The following CD163L1 variants were observed in gnomAD, a reference collection of about 807,000 sequenced individuals.
CD163L1 encodes scavenger receptor cysteine-rich type 1 protein M160.
A neutral mutation model predicts 165.4 loss-of-function variants in CD163L1; 124 were observed. The ratio of observed to expected loss-of-function variants is 0.75; its 90% CI spans 0.65 to 0.87. CD163L1 has a LOEUF of 0.87. Ranked by LOEUF, CD163L1 falls within the 40% of genes least tolerant of loss-of-function variation. The probability of loss-of-function intolerance (pLI) is 0.00; values close to 1 mark genes in which losing one functional copy is unlikely to be tolerated. For missense variants in CD163L1, 1,525 were observed against 1,799.9 expected, an observed-to-expected ratio of 0.85 and a Z score of 2.76; for synonymous variants, 585 against 662.2, an observed-to-expected ratio of 0.88 and a Z score of 1.79.
At chr12:7,421,045 A>ATATACATATATATATACGTGTATATG (rs1565808766) in intron 4 of CD163L1, among the ~76,000 whole-genome samples, 1 of 92,464 alleles carries the variant, frequency 1.1e-5, no homozygotes, top group African/African-American at 5.9e-5. Context: ...ACGTGTATAT[A>ATATACATATATATATACGTGTATATG]TATGTATATA....
chr12:7,377,802 A>G (rs1473963633), intron 9 of CD163L1, among the ~76,000 whole-genome samples: 1 of 152,122 alleles, frequency 6.6e-6, no homozygotes, highest in Non-Finnish European at 1.5e-5. Flanking sequence ...AACTTCTTTT[A>G]TGTCAATAAA....
In CD163L1 at chr12:7,374,681, C is replaced by T. The variant is rs1327377988; in HGVS notation, c.3170G>A (p.Trp1057Ter). 1 of 1,614,236 alleles carries T rather than the reference C, an allele frequency of 6.2e-7. No homozygotes were observed. Among genetic ancestry groups the T allele is most frequent in the East Asian group, 2.2e-5 (1 of 44,886 alleles). ...CCAGCCGTCATCACAGATGGTGCCC[C>T]AGAAGCCGTCGTGATAGATCTCTAC... ...GRVEIYHDGF[W>*]GTICDDGWDL... is the part of the protein sequence containing the mutation. The change falls in exon 13 of 20, where the codon TGG becomes TAG. Residue 1057 changes from tryptophan (W) to a stop codon, truncating the protein, a stop_gained. Coordinates refer to ENST00000313599, the MANE Select transcript of CD163L1 (RefSeq NM_174941.6). LOFTEE classifies it high-confidence loss of function. The surrounding 1 kb of genome is among the most constrained non-coding windows in gnomAD (Gnocchi z 5.4).
chr12:7,441,482 C>T (rs1309092025), intron 1 of CD163L1, among the ~76,000 whole-genome samples: 1 of 152,156 alleles, frequency 6.6e-6, no homozygotes, highest in East Asian at 1.9e-4. Context: ...GCATGTGATT[C>T]ATTGAAAAAT....
At chr12:7,354,371 T>C (rs1419808498), downstream of CD163L1, among the ~76,000 whole-genome samples, 2 of 152,130 alleles carry the variant, frequency 1.3e-5, no homozygotes, top group South Asian at 2.1e-4. Flanking sequence ...GCAAGGGCAA[T>C]TGAGCAAAGC....
At chr12:7,332,273 T>C in the CD163L1 span, among the ~76,000 whole-genome samples, 296 of 152,202 alleles carry the variant, frequency 1.9e-3, 2 homozygotes, top group Admixed American at 3.5e-3. Context: ...CCAAGAAATA[T>C]GGGACTATGT....
chr12:7,394,413 C>A (rs1947730003), intron 8 of CD163L1, among the ~76,000 whole-genome samples: 1 of 152,118 alleles, frequency 6.6e-6, no homozygotes, highest in South Asian at 2.1e-4. Flanking sequence ...AAACTGGATC[C>A]CTTCCTTACA....
At chr12:7,332,531 G>A in the CD163L1 span, among the ~76,000 whole-genome samples, 2 of 152,188 alleles carry the variant, frequency 1.3e-5, no homozygotes, top group African/African-American at 4.8e-5. Context: ...GGCAGCCAGG[G>A]AGAAAGGTCA....
At chr12:7,437,237 C>A (rs1475639995) in intron 2 of CD163L1, among the ~76,000 whole-genome samples, 6 of 1,392 alleles carry the variant, frequency 4.3e-3, no homozygotes, top group African/African-American at 6.2e-3. Flanking sequence ...AAAGTATTTA[C>A]TTTTAAATAG....
In CD163L1 at chr12:7,373,422, T is replaced by C; in HGVS notation, c.3628A>G (p.Ile1210Val). 1 of 1,614,176 alleles carries C rather than the reference T, an allele frequency of 6.2e-7. No homozygotes were observed. Among genetic ancestry groups the C allele is most frequent in the Non-Finnish European group, 8.5e-7 (1 of 1,180,012 alleles). Residue 1210 changes from isoleucine (I) to valine (V), a missense_variant, in exon 14 of 20, where the codon ATT becomes GTT. By Grantham distance (29) the Ile-to-Val change is conservative. Transcript: ENST00000313599. ...TGSGFMWVDD[I>V]QCPKTHISIW... ...GAGATATGCGTTTTAGGACACTGAATGTCATCCACCCACATGAAACCAGAG... is the reference window on the plus strand; with the variant it reads ...GAGATATGCGTTTTAGGACACTGAACGTCATCCACCCACATGAAACCAGAG...
At chr12:7,417,660 T>C (rs755736859) in intron 4 of CD163L1, among the ~76,000 whole-genome samples, 8 of 152,300 alleles carry the variant, frequency 5.3e-5, no homozygotes, top group Middle Eastern at 3.4e-3. Flanking sequence ...TCTGCATCTA[T>C]TGAGATAATC....
chr12:7,414,012 A>T (rs1278260237), intron 4 of CD163L1, among the ~76,000 whole-genome samples: 2 of 152,154 alleles, frequency 1.3e-5, no homozygotes, highest in Admixed American at 6.6e-5. Flanking sequence ...AGAGGAAATG[A>T]CTTATTCAAA....
the CD163L1 span, among the ~76,000 whole-genome samples, chr12:7,331,700 C>T: frequency 1.3e-5 from 2 of 152,312 alleles, no homozygotes; most frequent in Admixed American, 1.3e-4. Flanking sequence ...CAGCAAATTC[C>T]AACAGACCTG....
intron 2 of CD163L1, among the ~76,000 whole-genome samples, chr12:7,440,913 C>T (rs946268866): frequency 1.3e-5 from 2 of 152,180 alleles, no homozygotes; most frequent in African/African-American, 4.8e-5. Context: ...AGGCCTGAGC[C>T]ACTGTGCCCG....
intron 2 of CD163L1, among the ~76,000 whole-genome samples, chr12:7,440,194 A>T (rs917824722): frequency 1.3e-5 from 2 of 152,192 alleles, no homozygotes; most frequent in African/African-American, 4.8e-5. Context: ...CAGGGCGGAC[A>T]CTTAACACTC....
At chr12:7,390,473 C>A (rs1591914710) in intron 8 of CD163L1, among the ~76,000 whole-genome samples, 1 of 151,928 alleles carries the variant, frequency 6.6e-6, no homozygotes, top group East Asian at 1.9e-4. Context: ...GTCACATGTA[C>A]CCCATAAATA....
At chr12:7,371,976 T>A (rs193165234) in intron 14 of CD163L1, among the ~76,000 whole-genome samples, 1 of 152,050 alleles carries the variant, frequency 6.6e-6, no homozygotes, top group Non-Finnish European at 1.5e-5. Flanking sequence ...TATCTGTGTT[T>A]TTTTCCATGA....
At chr12:7,365,038 T>C (rs1179594365) in intron 18 of CD163L1, among the ~76,000 whole-genome samples, 1 of 152,018 alleles carries the variant, frequency 6.6e-6, no homozygotes, top group African/African-American at 2.4e-5. Flanking sequence ...TACAAAATTA[T>C]AGTAACCAAA....
intron 4 of CD163L1, among the ~76,000 whole-genome samples, chr12:7,430,227 A>G (rs2136625101): frequency 6.6e-6 from 1 of 152,326 alleles, no homozygotes; most frequent in East Asian, 1.9e-4. Context: ...TGTAGAAGAA[A>G]AAATAGAAGA....
chr12:7,441,250 G>C lies in CD163L1; in HGVS notation c.32-4C>G, dbSNP rs368946626. 6.8e-5 allele frequency: 110 copies of C among 1,610,560 alleles called. 1 individual carries two copies. The Middle Eastern group carries it at 1.5e-3, about 22-fold the overall frequency. On this transcript the variant is annotated splice_region_variant and splice_polypyrimidine_tract_variant and intron_variant, in intron 1 of 19. Transcript: ENST00000313599. ...TGACAGCAGCATCTTCCAAAATCTGGAGAAACAAAATATAGCAGGGTAGAA... is the reference window on the plus strand; with the variant it reads ...TGACAGCAGCATCTTCCAAAATCTGCAGAAACAAAATATAGCAGGGTAGAA...
Sources: gnomAD v4.1 joint callset for allele counts (sites outside exome capture counted in the v4.1 genomes callset) on GRCh38, gnomAD v4.1.1 for gene constraint, Gnocchi (gnomAD v3.1) non-coding constraint, MANE v1.5 for transcripts, NCBI Gene and HGNC (gene_info 2026-07-23, HGNC 2026-07-21) for gene names.